Variants in GRIA4 observed in about 807,000 individuals in gnomAD.
The protein encoded by GRIA4 is glutamate receptor 4.
Under a neutral mutation model 104.0 loss-of-function variants are expected in GRIA4, and 34 were observed. That is an observed-to-expected ratio of 0.33 (90% confidence interval 0.25 to 0.44). The LOEUF is 0.44. GRIA4 is among the 20% of genes least tolerant of loss of function. GRIA4 has a pLI of 1.00. For synonymous variants in GRIA4, 386 were observed against 381.9 expected (o/e 1.01, Z -0.13); for missense variants, 750 against 1,096.5 (o/e 0.68, Z 4.46).
intron 3 of GRIA4, among the ~76,000 whole-genome samples, chr11:105,730,701 C>T (rs898642812): frequency 6.6e-5 from 10 of 152,208 alleles, no homozygotes; most frequent in East Asian, 1.9e-4. Flanking sequence ...TGGAACAGAA[C>T]GGAGTCCTCA....
At chr11:105,961,082 A>G (rs753959351) in intron 14 of GRIA4, among the ~76,000 whole-genome samples, 1 of 152,192 alleles carries the variant, frequency 6.6e-6, no homozygotes, top group Non-Finnish European at 1.5e-5. Context: ...TCCGATCTCC[A>G]GTTTTTAATT....
chr11:105,702,974 C>T (rs2135527448), intron 3 of GRIA4, among the ~76,000 whole-genome samples: 1 of 152,156 alleles, frequency 6.6e-6, no homozygotes, highest in South Asian at 2.1e-4. Flanking sequence ...GGATTAAAGG[C>T]ATAAGACACA....
At chr11:105,683,672 GA>G (rs1324943114) in intron 3 of GRIA4, among the ~76,000 whole-genome samples, 3 of 151,218 alleles carry the variant, frequency 2.0e-5, no homozygotes, top group Non-Finnish European at 3.0e-5. Flanking sequence ...CAATGTTAAG[GA>G]AAAAAAAGCC....
chr11:105,941,682 A>C (rs537802039), intron 14 of GRIA4, among the ~76,000 whole-genome samples: 32 of 152,276 alleles, frequency 2.1e-4, no homozygotes, highest in African/African-American at 7.5e-4. Context: ...CAGAATAAGA[A>C]TTCAATTGGA....
intron 3 of GRIA4, among the ~76,000 whole-genome samples, chr11:105,684,297 T>C (rs1452631319): frequency 1.3e-5 from 2 of 152,070 alleles, no homozygotes; most frequent in South Asian, 2.1e-4. Flanking sequence ...TCAACGACAT[T>C]AAACAGATGG....
chr11:105,922,493 G>A (rs990109626), intron 11 of GRIA4, among the ~76,000 whole-genome samples: 2 of 152,076 alleles, frequency 1.3e-5, no homozygotes, highest in Non-Finnish European at 2.9e-5. Context: ...CCTCAAAGAT[G>A]TTCATAGCTT....
chr11:105,970,021 G>A (rs986772512), intron 14 of GRIA4, among the ~76,000 whole-genome samples: 4 of 152,052 alleles, frequency 2.6e-5, no homozygotes, highest in African/African-American at 9.7e-5. Context: ...GGTTGGTATG[G>A]ATAGGAAAAC....
At chr11:105,740,258 C>T (rs756003459) in intron 3 of GRIA4, among the ~76,000 whole-genome samples, 1 of 152,096 alleles carries the variant, frequency 6.6e-6, no homozygotes, top group African/African-American at 2.4e-5. Flanking sequence ...AAAAACTGAG[C>T]TTTAATTAAA....
intron 3 of GRIA4, among the ~76,000 whole-genome samples, chr11:105,713,563 C>T (rs1212759671): frequency 6.6e-6 from 1 of 152,050 alleles, no homozygotes; most frequent in African/African-American, 2.4e-5. Context: ...CACTATCATG[C>T]ATTATACATT....
chr11:105,877,794 A>G (rs1449889301), intron 5 of GRIA4, among the ~76,000 whole-genome samples: 1 of 152,152 alleles, frequency 6.6e-6, no homozygotes, highest in African/African-American at 2.4e-5. Context: ...TGGTTATTCT[A>G]GTTAGCAATT....
intron 7 of GRIA4, among the ~76,000 whole-genome samples, chr11:105,899,594 C>CAA (rs1317646121): frequency 3.9e-5 from 6 of 152,116 alleles, no homozygotes; most frequent in East Asian, 1.9e-4. Flanking sequence ...AAATGCAGTA[C>CAA]AATTAGTTCT....
intron 14 of GRIA4, among the ~76,000 whole-genome samples, chr11:105,952,938 T>G (rs1433004193): frequency 6.6e-6 from 1 of 152,222 alleles, no homozygotes; most frequent in Non-Finnish European, 1.5e-5. Flanking sequence ...AAAAATTCAA[T>G]ATCTTTTCTA....
At chr11:105,671,677 CAAA>C (rs377767108) in intron 3 of GRIA4, among the ~76,000 whole-genome samples, 89 of 64,566 alleles carry the variant, frequency 1.4e-3, no homozygotes, top group Admixed American at 1.2e-3. Context: ...GACTCTGTCT[CAAA>C]AAAAAAAAAA....
intron 13 of GRIA4, among the ~76,000 whole-genome samples, chr11:105,927,441 A>C (rs1462248456): frequency 6.6e-6 from 1 of 152,086 alleles, no homozygotes; most frequent in East Asian, 1.9e-4. Context: ...TTGCTTTCTC[A>C]CAAGGTAATA....
chr11:105,909,589 T>C (rs1442751203), intron 9 of GRIA4, among the ~76,000 whole-genome samples: 1 of 152,106 alleles, frequency 6.6e-6, no homozygotes, highest in East Asian at 1.9e-4. Context: ...CCATACTGGG[T>C]ATGTGTATTA....
At chr11:105,775,706 G>A (rs1316801789) in intron 4 of GRIA4, among the ~76,000 whole-genome samples, 1 of 151,880 alleles carries the variant, frequency 6.6e-6, no homozygotes, top group African/African-American at 2.4e-5. Flanking sequence ...ACAGTCAACA[G>A]GTATATAGAA....
chr11:105,931,912 A>G (rs1007756591), intron 13 of GRIA4, among the ~76,000 whole-genome samples: 49 of 152,116 alleles, frequency 3.2e-4, no homozygotes, highest in Non-Finnish European at 4.4e-5. Flanking sequence ...TATTCAAGTT[A>G]TATGTTGATT....
At chr11:105,630,280 A>C (rs1374322934) in intron 3 of GRIA4, among the ~76,000 whole-genome samples, 2 of 152,170 alleles carry the variant, frequency 1.3e-5, no homozygotes, top group African/African-American at 4.8e-5. Flanking sequence ...ATTAACACCC[A>C]CTAGGCCAGG....
intron 5 of GRIA4, among the ~76,000 whole-genome samples, chr11:105,869,683 T>A (rs1945546700): frequency 6.6e-6 from 1 of 152,126 alleles, no homozygotes; most frequent in African/African-American, 2.4e-5. Flanking sequence ...TACATTTTTA[T>A]AAATTATACA....
Sources: allele counts gnomAD v4.1 joint callset (sites outside exome capture counted in the v4.1 genomes callset), GRCh38; gene constraint gnomAD v4.1.1; transcripts MANE v1.5; gene names NCBI Gene and HGNC (gene_info 2026-07-23, HGNC 2026-07-21).